CD276: variants seen among roughly 807,000 people sequenced by gnomAD.
CD276 encodes the protein CD276 molecule, also known as CD276 antigen.
In CD276, 34 loss-of-function variants were observed where a neutral mutation model predicts 50.0. The observed-to-expected ratio is 0.68, with a 90% CI of 0.52 to 0.91. The LOEUF (loss-of-function observed/expected upper bound fraction) is 0.91, where lower values mean the gene tolerates loss of function less well. Among genes scored for constraint, CD276 ranks in the 40% least tolerant of loss-of-function variants. CD276 has a pLI of 0.00. For missense variants in CD276, 634 were observed against 717.5 expected, an observed-to-expected ratio of 0.88 and a Z score of 1.33; for synonymous variants, 275 against 313.0, an observed-to-expected ratio of 0.88 and a Z score of 1.28.
In CD276 at chr15:73,702,831, A is replaced by C. The variant is rs1567019416; in HGVS notation, c.478A>C (p.Thr160Pro). The change falls in exon 4 of 10, where the codon ACG (threonine) becomes CCG (proline). Residue 160 changes from threonine to proline, a missense_variant. Transcript: ENST00000318443. The part of the protein sequence containing the change: ...EPNKDLRPGD[T>P]VTITCSSYQG... ...CAACAAGGACCTGCGGCCAGGGGACACGGTGACCATCACGTGCTCCAGCTA... is the reference window on the plus strand; with the variant it reads ...CAACAAGGACCTGCGGCCAGGGGACCCGGTGACCATCACGTGCTCCAGCTA... 6.2e-7 allele frequency: 1 copy of C among 1,614,126 alleles called. No homozygotes were observed. The highest frequency in any genetic ancestry group is 8.5e-7 in the Non-Finnish European group (1 of 1,180,030).
intron 4 of CD276, 69 bp downstream of exon 4, chr15:73,703,155 G>A (rs1056300621): frequency 2.2e-5 from 33 of 1,490,060 alleles, no homozygotes; most frequent in Admixed American, 1.9e-4. Flanking sequence ...TGGGAGCTCC[G>A]AATCTGGCCC....
At chr15:73,700,823 C>T (rs902269672) in intron 2 of CD276, among the ~76,000 whole-genome samples, 26 of 140,348 alleles carry the variant, frequency 1.9e-4, no homozygotes, top group African/African-American at 5.8e-4. Flanking sequence ...TGCTAGTGCT[C>T]GAAGCACACA....
intron 1 of CD276, among the ~76,000 whole-genome samples, chr15:73,688,761 G>T (rs766248642): frequency 6.6e-6 from 1 of 152,196 alleles, no homozygotes; most frequent in Non-Finnish European, 1.5e-5. Context: ...AGGACTGGTG[G>T]AGATTGCTAC....
rs945159444 is a variant in CD276 at position 73,685,455 on chromosome 15, G to T, written c.-55+995G>T. On this transcript the variant is annotated intron_variant, in intron 1 of 9. Transcript: ENST00000318443. ...GCAAATAGTAAAGCAAAAAAGATTT[G>T]TGTGTGTGTGTGTGTGTGTGTGTGT... Among the ~76,000 whole-genome samples, 7 of 73,528 alleles carry T rather than the reference G, an allele frequency of 9.5e-5. No homozygotes were observed. In the South Asian group the frequency reaches 1.5e-3, roughly 15 times the overall value. 48.2% of individuals were successfully genotyped at this position (73,528 alleles called of 152,430 possible). A position where few individuals can be genotyped will look rare whatever the true frequency, so the allele number is the denominator to read the frequency against.
intron 8 of CD276, among the ~76,000 whole-genome samples, chr15:73,710,087 C>T (rs1360493110): frequency 5.3e-5 from 8 of 152,164 alleles, no homozygotes; most frequent in East Asian, 1.9e-4. Context: ...TCTCTGGCTT[C>T]GGTTTCCTCT....
intron 3 of CD276, 46 bp from the exon 4 acceptor site, chr15:73,702,726 C>T (rs1900454043): frequency 6.3e-7 from 1 of 1,588,544 alleles, no homozygotes; most frequent in Non-Finnish European, 8.6e-7. Flanking sequence ...CCTTTTCGTC[C>T]TCTGCCATTG....
chr15:73,713,271 C>A lies in CD276; in HGVS notation c.*315C>A. 2.7e-6 allele frequency: 1 copy of A among 370,328 alleles called. No homozygotes were observed. Among genetic ancestry groups the A allele is most frequent in the Non-Finnish European group, 4.8e-6 (1 of 206,340 alleles). 22.9% of individuals were successfully genotyped at this position (370,328 alleles called of 1,614,324 possible). ...TAGGGACACAGTACACTGACCACAT[C>A]ACCACCCTCTTCTTCCAGTGCTGCG... On this transcript the variant is annotated 3_prime_UTR_variant, in exon 10 of 10. Coordinates refer to ENST00000318443, the MANE Select transcript of CD276 (RefSeq NM_001024736.2).
intron 1 of CD276, among the ~76,000 whole-genome samples, chr15:73,689,687 A>G (rs1469648434): frequency 1.3e-5 from 2 of 152,198 alleles, no homozygotes; most frequent in African/African-American, 4.8e-5. Context: ...ATATTTTCAT[A>G]AAGTTTCATT....
chr15:73,699,401 C>T (rs1346188718), intron 1 of CD276, among the ~76,000 whole-genome samples, 185 bp from the exon 2 acceptor site: 1 of 152,152 alleles, frequency 6.6e-6, no homozygotes, highest in Non-Finnish European at 1.5e-5. Flanking sequence ...GTCAGGCCTC[C>T]CCAGGGACTC....
chr15:73,693,820 G>A (rs567805477), intron 1 of CD276, among the ~76,000 whole-genome samples: 1 of 150,872 alleles, frequency 6.6e-6, no homozygotes, highest in East Asian at 2.0e-4. Flanking sequence ...GATGAACGCT[G>A]TCCAAAAGCA....
chr15:73,690,075 T>C (rs1292823924), intron 1 of CD276, among the ~76,000 whole-genome samples: 1 of 152,156 alleles, frequency 6.6e-6, no homozygotes, highest in Non-Finnish European at 1.5e-5. Context: ...CACTCCAGAG[T>C]TGCATTCACT....
rs769630582 is a variant in CD276, at chr15:73,702,590, G to T, written c.415G>T (p.Ala139Ser). ...FGSAAVSLQV[A>S]APYSKPSMTL... The stretch of plus-strand genomic sequence containing the variant: ...CAGCGCTGCCGTCAGCCTGCAGGTG[G>T]CCGGTGAGCACCAGGAGGGGGACGC... Residue 139 changes from alanine to serine, a missense_variant, in exon 3 of 10, where the codon GCC (alanine) becomes TCC (serine). Coordinates refer to ENST00000318443, the MANE Select transcript of CD276 (RefSeq NM_001024736.2). The T allele has an allele frequency of 3.1e-6, 5 of 1,605,306 alleles. No individual in the cohort carries two copies. The African/African-American group carries it at 6.7e-5, about 21-fold the overall frequency.
intron 7 of CD276, 47 bp from the exon 8 acceptor site, chr15:73,709,601 T>C: frequency 6.2e-7 from 1 of 1,601,232 alleles, no homozygotes; most frequent in Non-Finnish European, 8.6e-7. Flanking sequence ...GGCATGAAAA[T>C]GGGCTTGCAA....
chr15:73,708,457 TGA>T lies in CD276; in HGVS notation c.1490_1491del (p.Glu497GlyfsTer7). On this transcript the variant is annotated frameshift_variant, in exon 7 of 10. Transcript: ENST00000318443. LOFTEE classifies it high-confidence loss of function. ...GCTGGAGAAAGATCAAACAGAGCTG[TGA>T]GGAGGAGAATGCAGGTGAGTGTGTG... ...VCWRKIKQSC[E>X]EENAGAEDQD... 6.2e-7 allele frequency: 1 copy of T among 1,613,562 alleles called. No individual in the cohort carries two copies. The highest frequency in any genetic ancestry group is 2.2e-5 in the East Asian group (1 of 44,862).
chr15:73,712,378 C>G (rs1900938641), intron 9 of CD276, among the ~76,000 whole-genome samples: 1 of 152,170 alleles, frequency 6.6e-6, no homozygotes, highest in Non-Finnish European at 1.5e-5. Context: ...AGGGAGAGGG[C>G]AGGGGAAGGG....
Position 73,703,518 on chromosome 15 carries a change from A to G in CD276, c.734-141A>G, listed in dbSNP as rs1489231715. Reference sequence around the variant, plus strand: ...CCATATCTGAGAGTCCTCAGACTTAATCTGCTTTTGCATCTAAGAAGAAAA... The same window carrying G: ...CCATATCTGAGAGTCCTCAGACTTAGTCTGCTTTTGCATCTAAGAAGAAAA... On this transcript the variant is annotated intron_variant, in intron 4 of 9. Coordinates refer to ENST00000318443, the MANE Select transcript of CD276 (RefSeq NM_001024736.2). 3 of 722,042 alleles carry G rather than the reference A, an allele frequency of 4.2e-6. No homozygotes were observed. In the African/African-American group the frequency reaches 5.4e-5, roughly 13 times the overall value. The allele number at this position is 722,042 out of a possible 1,614,324, so 44.7% of individuals were successfully genotyped here.
rs754525593 is a variant in CD276 at position 73,699,686 on chromosome 15, C to T, written c.47C>T (p.Ala16Val). ...GSPGMGVHVGAALGALWFCLT... is the reference protein window; with the variant it reads ...GSPGMGVHVGVALGALWFCLT... ...CCTGGCATGGGTGTGCATGTGGGTG[C>T]AGCCCTGGGAGCACTGTGGTTCTGC... Residue 16 changes from alanine to valine, a missense_variant, in exon 2 of 10, where the codon GCA becomes GTA. Coordinates refer to ENST00000318443, the MANE Select transcript of CD276 (RefSeq NM_001024736.2). The T allele has an allele frequency of 1.2e-6, 2 of 1,611,806 alleles. No homozygotes were observed. The highest frequency in any genetic ancestry group is 1.7e-6 in the Non-Finnish European group (2 of 1,178,834).
chr15:73,702,064 T>A (rs939083918), intron 2 of CD276, among the ~76,000 whole-genome samples, 191 bp from the exon 3 acceptor site: 1 of 152,276 alleles, frequency 6.6e-6, no homozygotes, highest in Non-Finnish European at 1.5e-5. Flanking sequence ...TTCTGACTTT[T>A]ATGCTTGGCA....
Position 73,702,895 on chromosome 15 carries a change from G to A in CD276, c.542G>A (p.Gly181Glu), listed in dbSNP as rs368243594. The change falls in exon 4 of 10, where the codon GGG (glycine) becomes GAG (glutamate). Residue 181 changes from glycine to glutamate, a missense_variant. Gly to Glu is a moderately conservative substitution (Grantham distance 98, BLOSUM62 -2). Coordinates refer to ENST00000318443, the MANE Select transcript of CD276 (RefSeq NM_001024736.2). ...GAGGCTGAGGTGTTCTGGCAGGATG[G>A]GCAGGGTGTGCCCCTGACTGGCAAC... Reference protein sequence around the residue: ...YPEAEVFWQDGQGVPLTGNVT... With the variant: ...YPEAEVFWQDEQGVPLTGNVT... 1.5e-5 allele frequency: 25 copies of A among 1,613,942 alleles called. No homozygotes were observed. The highest frequency in any genetic ancestry group is 1.7e-4 in the Middle Eastern group (1 of 6,006).
Sources: gnomAD v4.1 joint callset for allele counts (sites outside exome capture counted in the v4.1 genomes callset) on GRCh38, gnomAD v4.1.1 for gene constraint, MANE v1.5 for transcripts, NCBI Gene and HGNC (gene_info 2026-07-23, HGNC 2026-07-21) for gene names.